The following ERBB4 variants were observed in gnomAD, a reference collection of about 807,000 sequenced individuals.
ERBB4 encodes the protein erb-b2 receptor tyrosine kinase 4.
Under a neutral mutation model 158.0 loss-of-function variants are expected in ERBB4, and 42 were observed. That is an observed-to-expected ratio of 0.27 (90% CI 0.21 to 0.34). The LOEUF is 0.34. ERBB4 is among the 10% of genes least tolerant of loss of function. The probability of loss-of-function intolerance (pLI) is 1.00; values close to 1 mark genes in which losing one functional copy is unlikely to be tolerated. For missense variants in ERBB4, 1,333 were observed against 1,624.1 expected, an observed-to-expected ratio of 0.82 and a Z score of 3.08; for synonymous variants, 583 against 558.7, an observed-to-expected ratio of 1.04 and a Z score of -0.61.
intron 3 of ERBB4, among the ~76,000 whole-genome samples, chr2:211,932,442 A>T (rs188679576): frequency 1.1e-3 from 167 of 152,176 alleles, no homozygotes; most frequent in African/African-American, 3.8e-3. Flanking sequence ...TGGATTGTCA[A>T]CTGTTTGCCC....
At chr2:211,593,058 C>G (rs1474404347) in intron 19 of ERBB4, among the ~76,000 whole-genome samples, 1 of 150,600 alleles carries the variant, frequency 6.6e-6, no homozygotes, top group Non-Finnish European at 1.5e-5. Flanking sequence ...GGGGCTTGCT[C>G]CATCTTGGCT....
intron 1 of ERBB4, among the ~76,000 whole-genome samples, chr2:212,412,572 A>G (rs928871807): frequency 6.6e-6 from 1 of 152,168 alleles, no homozygotes; most frequent in African/African-American, 2.4e-5. Context: ...AGAACTGTGA[A>G]CCAATTAAAC....
At chr2:212,378,282 G>A (rs1280937843) in intron 1 of ERBB4, among the ~76,000 whole-genome samples, 1 of 151,784 alleles carries the variant, frequency 6.6e-6, no homozygotes, top group Non-Finnish European at 1.5e-5. Context: ...TGTTCTATAT[G>A]CCATCTGCAT....
intron 4 of ERBB4, among the ~76,000 whole-genome samples, chr2:211,772,842 T>C (rs797016294): frequency 0.042 from 2,380 of 56,748 alleles, 115 homozygotes; most frequent in East Asian, 0.075. Flanking sequence ...TATACACATA[T>C]ATATATATAT....
chr2:211,905,746 A>G (rs770678437), intron 3 of ERBB4, among the ~76,000 whole-genome samples: 4,656 of 76,230 alleles, frequency 0.061, 112 homozygotes, highest in Middle Eastern at 0.096. Flanking sequence ...ATGTGTGTGT[A>G]TATATATATA....
At chr2:211,993,354 C>T (rs2082124383) in intron 2 of ERBB4, among the ~76,000 whole-genome samples, 1 of 152,174 alleles carries the variant, frequency 6.6e-6, no homozygotes, top group African/African-American at 2.4e-5. Flanking sequence ...GGAGAGACGC[C>T]TCAGGAGACA....
At chr2:211,454,778 C>T (rs1429754327) in intron 20 of ERBB4, among the ~76,000 whole-genome samples, 1 of 152,150 alleles carries the variant, frequency 6.6e-6, no homozygotes, top group East Asian at 1.9e-4. Context: ...GCTCCATTAG[C>T]CTTCTTGGGA....
chr2:211,755,915 G>C (rs941161081), intron 4 of ERBB4, among the ~76,000 whole-genome samples: 38 of 152,162 alleles, frequency 2.5e-4, no homozygotes, highest in African/African-American at 8.7e-4. Flanking sequence ...CTAGCTAAAG[G>C]CAACGCAGTT....
chr2:212,324,469 C>CA (rs1238153507), intron 1 of ERBB4, among the ~76,000 whole-genome samples: 3 of 104,852 alleles, frequency 2.9e-5, no homozygotes, highest in African/African-American at 4.9e-5. Context: ...TTAGGAGCAG[C>CA]GGGTTTTTTG....
chr2:211,815,182 T>C (rs1015202057), intron 3 of ERBB4, among the ~76,000 whole-genome samples: 2 of 152,230 alleles, frequency 1.3e-5, no homozygotes, highest in Non-Finnish European at 1.5e-5. Context: ...AAAGCAATTA[T>C]ATGATAAAGA....
chr2:212,443,402 C>T (rs772542927), intron 1 of ERBB4, among the ~76,000 whole-genome samples: 1 of 152,188 alleles, frequency 6.6e-6, no homozygotes, highest in Non-Finnish European at 1.5e-5. Context: ...CTTCCAACTT[C>T]GTAAAATTTC....
At chr2:212,485,565 C>T (rs1459571331) in intron 1 of ERBB4, among the ~76,000 whole-genome samples, 1 of 152,090 alleles carries the variant, frequency 6.6e-6, no homozygotes, top group Non-Finnish European at 1.5e-5. Flanking sequence ...TCAAGTACTC[C>T]AAGATGAATA....
chr2:211,804,124 A>G (rs1466630943), intron 3 of ERBB4, among the ~76,000 whole-genome samples: 1 of 152,230 alleles, frequency 6.6e-6, no homozygotes, highest in Non-Finnish European at 1.5e-5. Flanking sequence ...AATTTTGAAT[A>G]GGAAAGGCTT....
At chr2:212,368,992 T>C (rs918632454) in intron 1 of ERBB4, among the ~76,000 whole-genome samples, 5 of 152,232 alleles carry the variant, frequency 3.3e-5, no homozygotes, top group Admixed American at 3.3e-4. Flanking sequence ...TGAATTAGAA[T>C]CTACCTTGTA....
intron 20 of ERBB4, among the ~76,000 whole-genome samples, chr2:211,546,461 CT>C (rs2066943750): frequency 6.6e-6 from 1 of 152,200 alleles, no homozygotes; most frequent in South Asian, 2.1e-4. Context: ...GCCTTAACTG[CT>C]TGCTCTCATT....
chr2:211,982,229 G>C (rs2125233200), intron 2 of ERBB4, among the ~76,000 whole-genome samples: 1 of 152,128 alleles, frequency 6.6e-6, no homozygotes, highest in East Asian at 1.9e-4. Flanking sequence ...TCAGACTAAA[G>C]GATAGTACAA....
intron 20 of ERBB4, among the ~76,000 whole-genome samples, chr2:211,524,386 A>G (rs1368058207): frequency 6.6e-6 from 1 of 151,790 alleles, no homozygotes; most frequent in East Asian, 1.9e-4. Context: ...CACACTCCTC[A>G]GCCCTTGGGT....
chr2:212,088,934 G>T (rs2078693818), intron 2 of ERBB4, among the ~76,000 whole-genome samples: 1 of 152,028 alleles, frequency 6.6e-6, no homozygotes, highest in Non-Finnish European at 1.5e-5. Context: ...CTCAGAGAAA[G>T]CTCAAATTCT....
chr2:212,237,140 TGGA>T lies in ERBB4; in HGVS notation c.83-112240_83-112238del, dbSNP rs370805227. Among the ~76,000 whole-genome samples, 7 of 152,246 alleles carry T rather than the reference TGGA, an allele frequency of 4.6e-5. No individual in the cohort carries two copies. In the South Asian group the frequency reaches 1.0e-3, roughly 23 times the overall value. On this transcript the variant is annotated intron_variant, in intron 1 of 27. Transcript: ENST00000342788. ...AATTTCCTTCTAAACACTCCTCCTT[TGGA>T]GGAGAAGAAATATTATCACTTTTGG...
Sources: gnomAD v4.1 joint callset for allele counts (sites outside exome capture counted in the v4.1 genomes callset) on GRCh38, gnomAD v4.1.1 for gene constraint, MANE v1.5 for transcripts, NCBI Gene and HGNC (gene_info 2026-07-23, HGNC 2026-07-21) for gene names.